Variants in SLIT3 observed in about 807,000 individuals in gnomAD.
SLIT3 encodes slit homolog 3 protein.
A neutral mutation model predicts 184.0 loss-of-function variants in SLIT3; 68 were observed. The observed-to-expected ratio is 0.37, with a 90% CI of 0.30 to 0.45. The LOEUF is 0.45. SLIT3 is among the 20% of genes least tolerant of loss of function. The pLI is 1.00. For synonymous variants in SLIT3, 831 were observed against 828.6 expected (o/e 1.00, Z -0.05); for missense variants, 1,707 against 2,026.0 (o/e 0.84, Z 3.02).
chr5:168,972,882 A>C (rs919711630), intron 4 of SLIT3, among the ~76,000 whole-genome samples: 1 of 152,176 alleles, frequency 6.6e-6, no homozygotes, highest in Non-Finnish European at 1.5e-5. Flanking sequence ...TTCTTTCCCC[A>C]GTCCTTCCGT....
intron 4 of SLIT3, among the ~76,000 whole-genome samples, chr5:168,963,228 A>G (rs1164465182): frequency 1.3e-5 from 2 of 152,108 alleles, no homozygotes; most frequent in Admixed American, 1.3e-4. Flanking sequence ...CTGGAGTGCA[A>G]TGGTGCAATC....
chr5:168,881,112 G>C (rs2938773), intron 5 of SLIT3, among the ~76,000 whole-genome samples: 61,865 of 151,840 alleles, frequency 0.41, 12,808 homozygotes, highest in Admixed American at 0.5. Context: ...CTTCTTCCCC[G>C]CAAGCCCAGC....
At chr5:169,129,823 T>TA in intron 4 of SLIT3, among the ~76,000 whole-genome samples, 2 of 149,522 alleles carry the variant, frequency 1.3e-5, no homozygotes, top group African/African-American at 5.1e-5. Context: ...CTTTGGTGGT[T>TA]TTTTTTGTTT....
At chr5:169,281,984 T>C (rs1402966447) in intron 1 of SLIT3, among the ~76,000 whole-genome samples, 3 of 152,206 alleles carry the variant, frequency 2.0e-5, no homozygotes. Flanking sequence ...CTAAATATAA[T>C]GAACAGGACA....
chr5:168,795,164 G>A (rs1756523671), intron 10 of SLIT3, among the ~76,000 whole-genome samples: 1 of 152,196 alleles, frequency 6.6e-6, no homozygotes. Flanking sequence ...CATCTCTGCT[G>A]AAACTCCTAT....
intron 1 of SLIT3, among the ~76,000 whole-genome samples, chr5:169,270,844 C>T (rs553555112): frequency 6.6e-5 from 10 of 152,152 alleles, no homozygotes; most frequent in Non-Finnish European, 1.2e-4. Context: ...GTTATTTTAA[C>T]TCTCTGTGCC....
At chr5:169,283,281 A>G (rs1210663574) in intron 1 of SLIT3, among the ~76,000 whole-genome samples, 1 of 152,250 alleles carries the variant, frequency 6.6e-6, no homozygotes, top group Non-Finnish European at 1.5e-5. Context: ...AAAGCTATCA[A>G]GAACTCCTGG....
chr5:169,066,048 C>T (rs10061845), intron 4 of SLIT3, among the ~76,000 whole-genome samples: 9,315 of 152,212 alleles, frequency 0.061, 293 homozygotes, highest in Non-Finnish European at 0.08. Flanking sequence ...GGTAACCTGG[C>T]CCAAGCTCAC....
intron 4 of SLIT3, among the ~76,000 whole-genome samples, chr5:168,966,824 G>A (rs1453477704): frequency 6.6e-6 from 1 of 152,132 alleles, no homozygotes; most frequent in South Asian, 2.1e-4. Flanking sequence ...TGAACGTGAG[G>A]ACAGAAAGAG....
intron 10 of SLIT3, 81 bp downstream of exon 10, chr5:168,795,426 G>T: frequency 9.8e-7 from 1 of 1,020,920 alleles, no homozygotes; most frequent in South Asian, 1.3e-5. Flanking sequence ...TCCGTCACCT[G>T]GACAGGTTGC....
At chr5:169,041,212 C>G (rs567168784) in intron 4 of SLIT3, among the ~76,000 whole-genome samples, 25 of 152,316 alleles carry the variant, frequency 1.6e-4, no homozygotes, top group Admixed American at 5.2e-4. Flanking sequence ...CTTCACATGG[C>G]TCTCTCACTC....
chr5:168,961,882 G>GTT (rs1561576070), intron 4 of SLIT3, among the ~76,000 whole-genome samples: 1 of 151,818 alleles, frequency 6.6e-6, no homozygotes, highest in Non-Finnish European at 1.5e-5. Flanking sequence ...GTGTGTGTGT[G>GTT]TGTATGTGTG....
chr5:169,267,086 G>A (rs1233978994), intron 1 of SLIT3, among the ~76,000 whole-genome samples: 2 of 152,096 alleles, frequency 1.3e-5, no homozygotes, highest in African/African-American at 4.8e-5. Context: ...TTCACATTTG[G>A]GGCCTTTTTT....
intron 4 of SLIT3, among the ~76,000 whole-genome samples, chr5:169,169,654 G>T (rs946525097): frequency 3.6e-4 from 55 of 152,288 alleles, no homozygotes; most frequent in Admixed American, 2.0e-3. Flanking sequence ...GAGAATTGCT[G>T]CTCAGTTCAG....
intron 6 of SLIT3, among the ~76,000 whole-genome samples, chr5:168,835,858 G>C (rs1758036523): frequency 1.3e-5 from 2 of 151,852 alleles, no homozygotes; most frequent in Non-Finnish European, 2.9e-5. Flanking sequence ...TTTGTGTAGA[G>C]GTCTTGCTAT....
chr5:169,024,822 A>G (rs1267677508), intron 4 of SLIT3: 1 of 152,284 alleles, frequency 6.6e-6, no homozygotes, highest in Non-Finnish European at 1.5e-5. Context: ...AAAAAGGCAG[A>G]AAGAGGAGAC....
chr5:168,789,797 A>G (rs1756293777), intron 10 of SLIT3, 166 bp from the exon 11 acceptor site: 1 of 591,286 alleles, frequency 1.7e-6, no homozygotes, highest in Non-Finnish European at 3.1e-6. Context: ...AAGAGCCTTC[A>G]GTTCAACTAC....
chr5:169,203,057 A>G (rs1005551897), intron 3 of SLIT3, among the ~76,000 whole-genome samples: 1 of 152,168 alleles, frequency 6.6e-6, no homozygotes, highest in African/African-American at 2.4e-5. Flanking sequence ...TCCTGTCTAC[A>G]CAGAGGTGGA....
chr5:168,919,274 A>G (rs1761551329), intron 4 of SLIT3, among the ~76,000 whole-genome samples: 1 of 151,864 alleles, frequency 6.6e-6, no homozygotes, highest in Admixed American at 6.6e-5. Context: ...AAAAAAAAAA[A>G]AGAAACATAG....
Sources: gnomAD v4.1 joint callset for allele counts (sites outside exome capture counted in the v4.1 genomes callset) on GRCh38, gnomAD v4.1.1 for gene constraint, MANE v1.5 for transcripts, NCBI Gene and HGNC (gene_info 2026-07-23, HGNC 2026-07-21) for gene names.